Variants in RPS6KA2 observed in about 807,000 individuals in gnomAD.
RPS6KA2 encodes the protein ribosomal protein S6 kinase alpha-2.
A neutral mutation model predicts 91.8 loss-of-function variants in RPS6KA2; 42 were observed. That is an observed-to-expected ratio of 0.46 (90% CI 0.36 to 0.59). RPS6KA2 has a LOEUF of 0.59. Ranked by LOEUF, RPS6KA2 falls within the 20% of genes least tolerant of loss-of-function variation. The pLI, the probability that RPS6KA2 is intolerant of heterozygous loss-of-function variation, is 0.00. For synonymous variants in RPS6KA2, 414 were observed against 393.6 expected (o/e 1.05, Z -0.61); for missense variants, 798 against 978.5 (o/e 0.82, Z 2.46).
chr6:166,551,245 G>C (rs1177548960), intron 1 of RPS6KA2, among the ~76,000 whole-genome samples: 1 of 152,278 alleles, frequency 6.6e-6, no homozygotes, highest in Middle Eastern at 3.4e-3. Flanking sequence ...GGTTCAATGT[G>C]AATGGTATTC....
intron 19 of RPS6KA2, among the ~76,000 whole-genome samples, chr6:166,415,944 CCACAATCACCTT>C (rs1778485159): frequency 6.7e-6 from 1 of 148,866 alleles, no homozygotes; most frequent in Admixed American, 6.7e-5. Flanking sequence ...ATTACCCTCA[CCACAATCACCTT>C]CACCATCATC....
At chr6:166,510,552 CTCATATAT>C (rs1289681383) in intron 3 of RPS6KA2, among the ~76,000 whole-genome samples, 195 bp from the exon 4 acceptor site, 14 of 66,482 alleles carry the variant, frequency 2.1e-4, no homozygotes, top group African/African-American at 7.1e-4. Context: ...CTTTCTCTCT[CTCATATAT>C]ATATATATAT....
At chr6:166,699,889 C>T (rs1789460367) in intron 2 of RPS6KA2, among the ~76,000 whole-genome samples, 1 of 152,144 alleles carries the variant, frequency 6.6e-6, no homozygotes, top group South Asian at 2.1e-4. Flanking sequence ...TAAAAATCTT[C>T]AAAATAGCTT....
chr6:166,726,094 T>C lies in RPS6KA2; in HGVS notation c.123+132106A>G, dbSNP rs1790329782. 6.6e-6 allele frequency among the ~76,000 whole-genome samples: 1 copy of C among 152,016 alleles called. No homozygotes were observed. The highest frequency in any genetic ancestry group is 2.1e-4 in the South Asian group (1 of 4,830). On this transcript the variant is annotated intron_variant, in intron 2 of 21. Transcript: ENST00000503859. The surrounding 1 kb of genome is among the most constrained non-coding windows in gnomAD (Gnocchi z 4.4). ...TCTGTGAAAACACGTGGCTTTTAGG[T>C]CCTACAGAAATGCCCTTAGGCTACA...
chr6:166,619,005 C>T (rs1786523127), intron 1 of RPS6KA2, among the ~76,000 whole-genome samples: 1 of 150,194 alleles, frequency 6.7e-6, no homozygotes, highest in African/African-American at 2.5e-5. Flanking sequence ...CAATCGATGC[C>T]ATCAGATTCG....
In RPS6KA2 at chr6:166,767,812, CACA is replaced by C. The variant is rs1562427879; in HGVS notation, c.123+90385_123+90387del. Among the ~76,000 whole-genome samples, 10 of 144,370 alleles carry C rather than the reference CACA, an allele frequency of 6.9e-5. No individual in the cohort carries two copies. The highest frequency in any genetic ancestry group is 2.1e-4 in the Admixed American group (3 of 14,588). The allele number at this position is 144,370 out of a possible 152,430, so 94.7% of individuals were successfully genotyped here. Reference sequence around the variant, plus strand: ...ACACACACACACACACACACACACACACACCCTGGTGTCAGGCAGCCGGCCACC... The same window carrying C: ...ACACACACACACACACACACACACACCCCTGGTGTCAGGCAGCCGGCCACC... On this transcript the variant is annotated intron_variant, in intron 2 of 21. Transcript: ENST00000503859. The surrounding 1 kb of genome is among the most constrained non-coding windows in gnomAD (Gnocchi z 4.6).
intron 11 of RPS6KA2, among the ~76,000 whole-genome samples, chr6:166,464,711 A>C (rs1183915029): frequency 6.6e-6 from 1 of 152,104 alleles, no homozygotes; most frequent in Admixed American, 6.5e-5. Context: ...CGGGGGAAAA[A>C]CCAACACAGC....
At chr6:166,765,449 T>C (rs573147101) in intron 2 of RPS6KA2, among the ~76,000 whole-genome samples, 4 of 152,306 alleles carry the variant, frequency 2.6e-5, no homozygotes, top group Admixed American at 2.6e-4. Flanking sequence ...TGGGGTGACA[T>C]AGGTTCCTTA....
rs554286110 is a variant in RPS6KA2 at position 166,578,085 on chromosome 6, A to G, written c.100-39301T>C. ...CCTGCCATGATTCTGAGGCCTCCCC[A>G]GCCATGAGGAACTGTAAGTCCAATT... On this transcript the variant is annotated intron_variant, in intron 1 of 20. Transcript: ENST00000265678. Among the ~76,000 whole-genome samples the G allele has an allele frequency of 2.6e-5, 4 of 152,332 alleles. No homozygotes were observed. The East Asian group carries it at 5.8e-4, about 22-fold the overall frequency.
At chr6:166,555,491 A>C (rs1784150805) in intron 1 of RPS6KA2, among the ~76,000 whole-genome samples, 1 of 151,988 alleles carries the variant, frequency 6.6e-6, no homozygotes, top group African/African-American at 2.4e-5. Context: ...GTCACCCTGT[A>C]CTCTTCCACA....
intron 2 of RPS6KA2, among the ~76,000 whole-genome samples, chr6:166,834,024 A>G (rs561791450): frequency 1.3e-5 from 2 of 152,214 alleles, no homozygotes; most frequent in South Asian, 2.1e-4. Context: ...GTGAGTCACC[A>G]TGCCTGTCCC....
At chr6:166,444,042 G>C (rs1053353537) in intron 14 of RPS6KA2, among the ~76,000 whole-genome samples, 1 of 152,036 alleles carries the variant, frequency 6.6e-6, no homozygotes, top group African/African-American at 2.4e-5. Context: ...TATAATGCCA[G>C]GAATCCTTCC....
At chr6:166,461,611 A>G (rs905367199) in intron 11 of RPS6KA2, among the ~76,000 whole-genome samples, 3 of 150,774 alleles carry the variant, frequency 2.0e-5, no homozygotes, top group Admixed American at 2.0e-4. Context: ...GGGGGTAAGA[A>G]AGAGAGAGAG....
chr6:166,679,560 A>G (rs964225926), intron 2 of RPS6KA2, among the ~76,000 whole-genome samples: 1 of 152,228 alleles, frequency 6.6e-6, no homozygotes, highest in Non-Finnish European at 1.5e-5. Context: ...GACATAGCCA[A>G]AAAGAGCTTG....
intron 2 of RPS6KA2, among the ~76,000 whole-genome samples, chr6:166,660,992 T>C (rs1046004560): frequency 6.6e-6 from 1 of 152,242 alleles, no homozygotes; most frequent in African/African-American, 2.4e-5. Context: ...TCAACTTGCT[T>C]TGTAAAAGGG....
intron 2 of RPS6KA2, among the ~76,000 whole-genome samples, chr6:166,811,777 A>G (rs1002080765): frequency 8.5e-5 from 13 of 152,244 alleles, no homozygotes; most frequent in African/African-American, 3.1e-4. Flanking sequence ...AGAGTTCCAA[A>G]GTCTTGGTGA....
rs183315835 is a variant in RPS6KA2 at position 166,715,074 on chromosome 6, C to T, written c.123+143126G>A. Among the ~76,000 whole-genome samples the T allele has an allele frequency of 4.1e-4, 62 of 152,348 alleles. 1 individual carries two copies. The East Asian group carries it at 0.01, about 25-fold the overall frequency. ...GCTGAGGAGCAAACCTCACCAAAGC[C>T]TTCTGCCTTGCAGACGTGAGAAAGG... is the stretch of plus-strand genomic sequence containing the variant. On this transcript the variant is annotated intron_variant, in intron 2 of 21. Transcript: ENST00000503859.
Position 166,648,165 on chromosome 6 carries a change from C to CACACACAT in RPS6KA2, c.124-109382_124-109381insATGTGTGT, listed in dbSNP as rs1787718527. Among the ~76,000 whole-genome samples, 1 of 97,288 alleles carries CACACACAT rather than the reference C, an allele frequency of 1.0e-5. No homozygotes were observed. Among genetic ancestry groups the CACACACAT allele is most frequent in the South Asian group, 3.7e-4 (1 of 2,732 alleles). The allele number at this position is 97,288 out of a possible 152,430, so 63.8% of individuals were successfully genotyped here. A position where few individuals can be genotyped will look rare whatever the true frequency, so the allele number is the denominator to read the frequency against. ...ACACGCACATGGTTACACACCCATG[C>CACACACAT]ACACATGCTCACACACATGCACACA... On this transcript the variant is annotated intron_variant, in intron 2 of 21. Coordinates refer to the RPS6KA2 transcript ENST00000503859. The surrounding 1 kb of genome is among the most constrained non-coding windows in gnomAD (Gnocchi z 4.8).
At chr6:166,644,646 G>T (rs953970454) in intron 2 of RPS6KA2, among the ~76,000 whole-genome samples, 1 of 152,168 alleles carries the variant, frequency 6.6e-6, no homozygotes, top group Admixed American at 6.5e-5. Flanking sequence ...AAAGTAAAGA[G>T]AGAAATTACA....
Sources: allele counts gnomAD v4.1 joint callset (sites outside exome capture counted in the v4.1 genomes callset), GRCh38; gene constraint gnomAD v4.1.1; non-coding constraint Gnocchi (gnomAD v3.1); transcripts MANE v1.5; gene names NCBI Gene and HGNC (gene_info 2026-07-23, HGNC 2026-07-21).